The following NPW variants were observed in gnomAD, a reference collection of about 807,000 sequenced individuals.
The protein encoded by NPW is prepro-neuropeptide W.
Under a neutral mutation model 9.9 loss-of-function variants are expected in NPW, and 8 were observed. The ratio of observed to expected loss-of-function variants is 0.81; its 90% CI spans 0.47 to 1.46. NPW has a LOEUF of 1.46. NPW is among the 40% of genes most tolerant of loss of function. NPW has a pLI of 0.00. For synonymous variants in NPW, 134 were observed against 119.9 expected, an observed-to-expected ratio of 1.12 and a Z score of -0.77; for missense variants, 287 against 240.3, an observed-to-expected ratio of 1.19 and a Z score of -1.28.
intron 1 of NPW, 62 bp from the exon 2 acceptor site, chr16:2,020,471 C>T: frequency 7.2e-7 from 1 of 1,394,074 alleles, no homozygotes; most frequent in Non-Finnish European, 1.0e-6. Flanking sequence ...GACCCTGGCA[C>T]CCGGGGGCGG....
In NPW at chr16:2,020,676, G is replaced by C. The variant is rs544946911; in HGVS notation, c.*57G>C. 2.6e-6 allele frequency: 3 copies of C among 1,148,388 alleles called. No individual in the cohort carries two copies. Among genetic ancestry groups the C allele is most frequent in the Admixed American group, 2.1e-5 (1 of 47,018 alleles). The allele number at this position is 1,148,388 out of a possible 1,614,324, so 71.1% of individuals were successfully genotyped here. ...CGCCTGACCCAGGAGGAGTGGCCGCGCGCTTCCAGGAGCCGCTCATAGACC... is the reference window on the plus strand; with the variant it reads ...CGCCTGACCCAGGAGGAGTGGCCGCCCGCTTCCAGGAGCCGCTCATAGACC... On this transcript the variant is annotated 3_prime_UTR_variant, in exon 2 of 2. Coordinates refer to ENST00000566435, the MANE Select transcript of NPW (RefSeq NM_001099456.3).
In NPW at chr16:2,020,730, C is replaced by T. The variant is rs1001039265; in HGVS notation, c.*111C>T. 7 of 629,270 alleles carry T rather than the reference C, an allele frequency of 1.1e-5. No individual in the cohort carries two copies. The Admixed American group carries it at 1.7e-4, about 16-fold the overall frequency. The allele number at this position is 629,270 out of a possible 1,614,324, so 39.0% of individuals were successfully genotyped here. ...CCTGCCGTCCGGTCAATAAAATCCGCCTGACTCCTGCGCCCCCGCATGCGA... is the reference window on the plus strand; with the variant it reads ...CCTGCCGTCCGGTCAATAAAATCCGTCTGACTCCTGCGCCCCCGCATGCGA... On this transcript the variant is annotated 3_prime_UTR_variant, in exon 2 of 2. Transcript: ENST00000566435.
chr16:2,020,651 C>T lies in NPW; in HGVS notation c.*32C>T, dbSNP rs768362660. The stretch of plus-strand genomic sequence containing the variant: ...CCCCCGCCCGCCCGTGGCGCCTCCG[C>T]GCCTGACCCAGGAGGAGTGGCCGCG... On this transcript the variant is annotated 3_prime_UTR_variant, in exon 2 of 2. Transcript: ENST00000566435. 7.6e-6 allele frequency: 11 copies of T among 1,443,004 alleles called. No individual in the cohort carries two copies. The highest frequency in any genetic ancestry group is 1.9e-4 in the Middle Eastern group (1 of 5,384). The allele number at this position is 1,443,004 out of a possible 1,614,324, so 89.4% of individuals were successfully genotyped here.
rs573754213 is a variant in NPW at position 2,020,065 on chromosome 16, T to C, written c.164T>C (p.Leu55Pro). The change falls in exon 1 of 2, where the codon CTG (leucine) becomes CCG (proline). Residue 55 changes from leucine to proline, a missense_variant. Coordinates refer to ENST00000566435, the MANE Select transcript of NPW (RefSeq NM_001099456.3). ...CGCGCCGCTGGCCTGCTCATGGGGCTGCGTCGCTCACCCTATCTGTGGCGC... is the reference window on the plus strand; with the variant it reads ...CGCGCCGCTGGCCTGCTCATGGGGCCGCGTCGCTCACCCTATCTGTGGCGC... 859 of 1,503,610 alleles carry C rather than the reference T, an allele frequency of 5.7e-4. 4 individuals carry two copies. Among genetic ancestry groups the C allele is most frequent in the Middle Eastern group, 2.8e-3 (12 of 4,270 alleles). The allele number at this position is 1,503,610 out of a possible 1,614,324, so 93.1% of individuals were successfully genotyped here.
At position 2,020,222 on chromosome 16, in the gene NPW, G is replaced by A. The variant is rs372504298; in HGVS notation, c.321G>A (p.Gln107=). Reference sequence around the variant, plus strand: ...GGGAGACGCGACGCAGGAGCTCCCAGGCAGGGATCCCCGTCCGTGCGCCCC... The same window carrying A: ...GGGAGACGCGACGCAGGAGCTCCCAAGCAGGGATCCCCGTCCGTGCGCCCC... Residue 107 remains glutamine (Q), a synonymous_variant, in exon 1 of 2, where the codon CAG becomes CAA. Transcript: ENST00000566435. 1,200 of 1,590,518 alleles carry A rather than the reference G, an allele frequency of 7.5e-4. 1 individual carries two copies. The highest frequency in any genetic ancestry group is 9.6e-4 in the Non-Finnish European group (1,129 of 1,172,018).
Position 2,020,594 on chromosome 16 carries a change from C to G in NPW, c.473C>G (p.Pro158Arg). The change falls in exon 2 of 2, where the codon CCC becomes CGC. Residue 158 changes from proline (P) to arginine (R), a missense_variant. Transcript: ENST00000566435. ...CCCGCAGCAAACCGCCTTGGCCTGC[C>G]CTGCCTGGCCCCCGGACCGTTCTGA... 6.2e-7 allele frequency: 1 copy of G among 1,606,346 alleles called. No homozygotes were observed. The highest frequency in any genetic ancestry group is 8.5e-7 in the Non-Finnish European group (1 of 1,175,736).
chr16:2,020,675 C>A lies in NPW; in HGVS notation c.*56C>A. On this transcript the variant is annotated 3_prime_UTR_variant, in exon 2 of 2. Transcript: ENST00000566435. ...GCGCCTGACCCAGGAGGAGTGGCCG[C>A]GCGCTTCCAGGAGCCGCTCATAGAC... 1.7e-6 allele frequency: 2 copies of A among 1,184,934 alleles called. No homozygotes were observed. Among genetic ancestry groups the A allele is most frequent in the Non-Finnish European group, 2.4e-6 (2 of 827,612 alleles). 73.4% of individuals were successfully genotyped at this position (1,184,934 alleles called of 1,614,324 possible).
Position 2,019,996 on chromosome 16 carries a change from C to T in NPW, c.95C>T (p.Ala32Val). 1 of 1,450,798 alleles carries T rather than the reference C, an allele frequency of 6.9e-7. No individual in the cohort carries two copies. The highest frequency in any genetic ancestry group is 9.1e-7 in the Non-Finnish European group (1 of 1,102,818). The allele number at this position is 1,450,798 out of a possible 1,614,324, so 89.9% of individuals were successfully genotyped here. ...CTCCTGCTGCCGCTGCCCTCCGGCGCGTGGTACAAGCACGTGGCGAGTCCC... is the reference window on the plus strand; with the variant it reads ...CTCCTGCTGCCGCTGCCCTCCGGCGTGTGGTACAAGCACGTGGCGAGTCCC... Residue 32 changes from alanine (A) to valine (V), a missense_variant, in exon 1 of 2, where the codon GCG (alanine) becomes GTG (valine). By Grantham distance (64) the Ala-to-Val change is moderately conservative (BLOSUM62 0). Coordinates refer to ENST00000566435, the MANE Select transcript of NPW (RefSeq NM_001099456.3).
Position 2,020,690 on chromosome 16 carries a change from C to T in NPW, c.*71C>T. The T allele has an allele frequency of 1.1e-6, 1 of 910,996 alleles. No individual in the cohort carries two copies. 56.4% of individuals were successfully genotyped at this position (910,996 alleles called of 1,614,324 possible). A position where few individuals can be genotyped will look rare whatever the true frequency, so the allele number is the denominator to read the frequency against. On this transcript the variant is annotated 3_prime_UTR_variant, in exon 2 of 2. Transcript: ENST00000566435. ...GGAGTGGCCGCGCGCTTCCAGGAGC[C>T]GCTCATAGACCCCGCCTGCCGTCCG...
At position 2,020,481 on chromosome 16, in the gene NPW, G is replaced by C. The variant is rs912331460; in HGVS notation, c.412-52G>C. 2.8e-6 allele frequency: 4 copies of C among 1,417,708 alleles called. No homozygotes were observed. In the African/African-American group the frequency reaches 4.4e-5, roughly 15 times the overall value. 87.8% of individuals were successfully genotyped at this position (1,417,708 alleles called of 1,614,324 possible). ...GGCTCGACCCTGGCACCCGGGGGCG[G>C]TGGTTGGAGGGCCACAGCCTCCTCC... On this transcript the variant is annotated intron_variant, in intron 1 of 1. Coordinates refer to ENST00000566435, the MANE Select transcript of NPW (RefSeq NM_001099456.3).
intron 1 of NPW, 59 bp from the exon 2 acceptor site, chr16:2,020,474 G>C: frequency 7.2e-7 from 1 of 1,381,536 alleles, no homozygotes; most frequent in Admixed American, 1.8e-5. Flanking sequence ...CCTGGCACCC[G>C]GGGGCGGTGG....
chr16:2,020,547 C>A lies in NPW; in HGVS notation c.426C>A (p.Asp142Glu), dbSNP rs573812449. ...GTTCTCGTTAGAGACTTCGGAGAGA[C>A]GTCTCCCGCCCAGCGGTGGACCCCG... The change falls in exon 2 of 2, where the codon GAC becomes GAA. Residue 142 changes from aspartate to glutamate, a missense_variant. Transcript: ENST00000566435. The A allele has an allele frequency of 1.2e-6, 2 of 1,607,900 alleles. No individual in the cohort carries two copies. The highest frequency in any genetic ancestry group is 8.5e-7 in the Non-Finnish European group (1 of 1,176,242).
Position 2,019,895 on chromosome 16 carries a change from G to C in NPW, c.-7G>C. ...CGCCCCGCCGGGCGGCCGTCGACGCGAGCGCCCTGGCGTGGCGCCCAGGGG... is the reference window on the plus strand; with the variant it reads ...CGCCCCGCCGGGCGGCCGTCGACGCCAGCGCCCTGGCGTGGCGCCCAGGGG... On this transcript the variant is annotated 5_prime_UTR_variant, in exon 1 of 2. Coordinates refer to ENST00000566435, the MANE Select transcript of NPW (RefSeq NM_001099456.3). 1.6e-6 allele frequency: 2 copies of C among 1,226,140 alleles called. No homozygotes were observed. The highest frequency in any genetic ancestry group is 2.0e-6 in the Non-Finnish European group (2 of 985,324). The allele number at this position is 1,226,140 out of a possible 1,614,324, so 76.0% of individuals were successfully genotyped here.
Position 2,020,602 on chromosome 16 carries a change from G to GC in NPW, c.486dup (p.Gly163ArgfsTer17). ...AAACCGCCTTGGCCTGCCCTGCCTGGCCCCCGGACCGTTCTGACAGCGTCC... is the reference window on the plus strand; with the variant it reads ...AAACCGCCTTGGCCTGCCCTGCCTGGCCCCCCGGACCGTTCTGACAGCGTCC... On this transcript the variant is annotated frameshift_variant, in exon 2 of 2. Transcript: ENST00000566435. LOFTEE classifies it high-confidence loss of function. 6.2e-7 allele frequency: 1 copy of GC among 1,600,866 alleles called. No individual in the cohort carries two copies. The highest frequency in any genetic ancestry group is 8.5e-7 in the Non-Finnish European group (1 of 1,172,280).
Position 2,020,562 on chromosome 16 carries a change from G to A in NPW, c.441G>A (p.Ala147=). The stretch of plus-strand genomic sequence containing the variant: ...TTCGGAGAGACGTCTCCCGCCCAGC[G>A]GTGGACCCCGCAGCAAACCGCCTTG... Residue 147 remains alanine (A), a synonymous_variant, in exon 2 of 2, where the codon GCG becomes GCA. Transcript: ENST00000566435. 1.9e-6 allele frequency: 3 copies of A among 1,609,936 alleles called. No individual in the cohort carries two copies. Among genetic ancestry groups the A allele is most frequent in the Admixed American group, 1.7e-5 (1 of 59,906 alleles).
Position 2,020,528 on chromosome 16 carries a change from G to T in NPW, c.412-5G>T, listed in dbSNP as rs1481149806. ...CTCCCCACGGCCTTGCTGTGTTCTCGTTAGAGACTTCGGAGAGACGTCTCC... is the reference window on the plus strand; with the variant it reads ...CTCCCCACGGCCTTGCTGTGTTCTCTTTAGAGACTTCGGAGAGACGTCTCC... On this transcript the variant is annotated splice_region_variant and splice_polypyrimidine_tract_variant and intron_variant, in intron 1 of 1. Transcript: ENST00000566435. 6.2e-7 allele frequency: 1 copy of T among 1,602,950 alleles called. No individual in the cohort carries two copies. Among genetic ancestry groups the T allele is most frequent in the South Asian group, 1.1e-5 (1 of 90,808 alleles).
chr16:2,019,878 C>T lies in NPW; in HGVS notation c.-24C>T, dbSNP rs925246622. The T allele has an allele frequency of 2.1e-5, 25 of 1,215,936 alleles. No homozygotes were observed. Among genetic ancestry groups the T allele is most frequent in the Middle Eastern group, 3.2e-4 (1 of 3,124 alleles). The allele number at this position is 1,215,936 out of a possible 1,614,324, so 75.3% of individuals were successfully genotyped here. On this transcript the variant is annotated 5_prime_UTR_variant, in exon 1 of 2. Transcript: ENST00000566435. ...CGAGCCGGTTCGTGGCCCGCCCCGC[C>T]GGGCGGCCGTCGACGCGAGCGCCCT...
At position 2,020,319 on chromosome 16, in the gene NPW, G is replaced by T; in HGVS notation, c.411+7G>T. 1 of 1,467,500 alleles carries T rather than the reference G, an allele frequency of 6.8e-7. No homozygotes were observed. The highest frequency in any genetic ancestry group is 9.0e-7 in the Non-Finnish European group (1 of 1,107,290). The allele number at this position is 1,467,500 out of a possible 1,614,324, so 90.9% of individuals were successfully genotyped here. Reference sequence around the variant, plus strand: ...CTTCAGCGGAGCTGGCCAGGTACGTGAGAGGGGAGAGGCCTGGACCGCCGC... The same window carrying T: ...CTTCAGCGGAGCTGGCCAGGTACGTTAGAGGGGAGAGGCCTGGACCGCCGC... On this transcript the variant is annotated splice_region_variant and intron_variant, in intron 1 of 1. Transcript: ENST00000566435.
Position 2,020,051 on chromosome 16 carries a change from C to T in NPW, c.150C>T (p.Gly50=). The change falls in exon 1 of 2, where the codon GGC becomes GGT. Residue 50 remains glycine, a synonymous_variant. Transcript: ENST00000566435. ...ACCACACGGTGGGCCGCGCCGCTGG[C>T]CTGCTCATGGGGCTGCGTCGCTCAC... The T allele has an allele frequency of 6.6e-7, 1 of 1,506,806 alleles. No homozygotes were observed. Among genetic ancestry groups the T allele is most frequent in the Middle Eastern group, 2.3e-4 (1 of 4,290 alleles). 93.3% of individuals were successfully genotyped at this position (1,506,806 alleles called of 1,614,324 possible). A position where few individuals can be genotyped will look rare whatever the true frequency, so the allele number is the denominator to read the frequency against.
Sources: gnomAD v4.1 joint callset for allele counts on GRCh38, gnomAD v4.1.1 for gene constraint, MANE v1.5 for transcripts, NCBI Gene and HGNC (gene_info 2026-07-23, HGNC 2026-07-21) for gene names.